Variants in DPYSL2 observed in about 807,000 individuals in gnomAD.
DPYSL2 encodes dihydropyrimidinase like 2, also known as dihydropyrimidinase-related protein 2.
DPYSL2 carries 13 observed loss-of-function variants against 69.9 expected under a neutral mutation model. That is an observed-to-expected ratio of 0.19 (90% CI 0.12 to 0.30). The LOEUF (loss-of-function observed/expected upper bound fraction) is 0.30, where lower values mean the gene tolerates loss of function less well. Ranked by LOEUF, DPYSL2 falls within the 10% of genes least tolerant of loss-of-function variation. The pLI, the probability that DPYSL2 is intolerant of heterozygous loss-of-function variation, is 1.00. For synonymous variants in DPYSL2, 326 were observed against 359.1 expected (o/e 0.91, Z 1.04); for missense variants, 587 against 918.9 (o/e 0.64, Z 4.67).
Position 26,562,567 on chromosome 8 carries a change from C to T in DPYSL2, c.355-19402C>T, listed in dbSNP as rs1346671512. 1.3e-5 allele frequency among the ~76,000 whole-genome samples: 2 copies of T among 152,150 alleles called. No homozygotes were observed. The highest frequency in any genetic ancestry group is 2.4e-5 in the African/African-American group (1 of 41,426). ...CCCGATTAGAATGCTTAAATGGTTT[C>T]GTTTTAAAGACAGAATAAAATCCGA... On this transcript the variant is annotated intron_variant, in intron 1 of 13. Transcript: ENST00000521913. This position sits in a 1 kb window ranked among gnomAD's most constrained non-coding sequence, Gnocchi z 4.9.
At chr8:26,606,339 G>C (rs1159636841) in intron 3 of DPYSL2, among the ~76,000 whole-genome samples, 1 of 152,056 alleles carries the variant, frequency 6.6e-6, no homozygotes, top group Non-Finnish European at 1.5e-5. Context: ...AGTCAGAAGA[G>C]ACCAGAAGAA....
chr8:26,603,406 T>G (rs756325396), intron 3 of DPYSL2, among the ~76,000 whole-genome samples: 12 of 152,268 alleles, frequency 7.9e-5, no homozygotes, highest in Middle Eastern at 3.4e-3. Flanking sequence ...CTCCTGACCT[T>G]GTGATCTGCC....
rs534949538 is a variant in DPYSL2, at chr8:26,624,867, C to G, written c.793+560C>G. The stretch of plus-strand genomic sequence containing the variant: ...AGATTCACAGAGAGGCAGGAGGAAT[C>G]TTTACCACCTCAAGGTGCCTCTGGG... On this transcript the variant is annotated intron_variant, in intron 4 of 13. Coordinates refer to ENST00000521913, the MANE Select transcript of DPYSL2 (RefSeq NM_001197293.3). The surrounding 1 kb of genome is among the most constrained non-coding windows in gnomAD (Gnocchi z 4.7). Among the ~76,000 whole-genome samples, 66 of 152,224 alleles carry G rather than the reference C, an allele frequency of 4.3e-4. No homozygotes were observed. Among genetic ancestry groups the G allele is most frequent in the African/African-American group, 1.3e-3 (54 of 41,526 alleles).
chr8:26,602,132 A>G (rs1802006070), intron 3 of DPYSL2, among the ~76,000 whole-genome samples: 1 of 147,012 alleles, frequency 6.8e-6, no homozygotes, highest in Non-Finnish European at 1.5e-5. Flanking sequence ...TTATAAAACA[A>G]AGGAAATTTT....
chr8:26,547,902 A>C, intron 1 of DPYSL2: 1 of 273,586 alleles, frequency 3.7e-6, no homozygotes, highest in Admixed American at 3.4e-5. Flanking sequence ...TGCCACTGAA[A>C]TCCCCATCCC....
intron 3 of DPYSL2, among the ~76,000 whole-genome samples, chr8:26,622,218 C>T (rs1320910212): frequency 6.8e-6 from 1 of 146,686 alleles, no homozygotes; most frequent in African/African-American, 2.5e-5. Flanking sequence ...GATGAGGGGA[C>T]ATACAACTTA....
At chr8:26,622,263 T>C (rs1802509633) in intron 3 of DPYSL2, among the ~76,000 whole-genome samples, 2 of 152,002 alleles carry the variant, frequency 1.3e-5, no homozygotes, top group East Asian at 3.9e-4. Context: ...TCAACTTTTC[T>C]ACATCAGCAT....
chr8:26,636,330 C>T (rs772397197), intron 8 of DPYSL2, among the ~76,000 whole-genome samples: 26 of 152,180 alleles, frequency 1.7e-4, no homozygotes, highest in Non-Finnish European at 2.8e-4. Flanking sequence ...TACAGAAGGC[C>T]GGCCACAGCA....
In DPYSL2 at chr8:26,562,236, C is replaced by T. The variant is rs1180614011; in HGVS notation, c.355-19733C>T. Among the ~76,000 whole-genome samples, 1 of 152,210 alleles carries T rather than the reference C, an allele frequency of 6.6e-6. No individual in the cohort carries two copies. Among genetic ancestry groups the T allele is most frequent in the Non-Finnish European group, 1.5e-5 (1 of 68,044 alleles). ...TGGGTCCTGGGGAAAGTTCCTTAAT[C>T]TCACTTTGTTTCCACTCTACCTCAC... is the stretch of plus-strand genomic sequence containing the variant. On this transcript the variant is annotated intron_variant, in intron 1 of 13. Coordinates refer to ENST00000521913, the MANE Select transcript of DPYSL2 (RefSeq NM_001197293.3). The surrounding 1 kb of genome is among the most constrained non-coding windows in gnomAD (Gnocchi z 4.9).
At chr8:26,525,916 T>C (rs1265004560) in intron 1 of DPYSL2, among the ~76,000 whole-genome samples, 2 of 152,226 alleles carry the variant, frequency 1.3e-5, no homozygotes, top group Non-Finnish European at 2.9e-5. Flanking sequence ...AAGACACATG[T>C]ATTTTTAAAA....
chr8:26,556,473 T>C (rs4872453), intron 1 of DPYSL2, among the ~76,000 whole-genome samples: 41,353 of 137,248 alleles, frequency 0.3, 6,871 homozygotes, highest in African/African-American at 0.42. Flanking sequence ...CTGGAACTAT[T>C]AAATGATTAT....
intron 1 of DPYSL2, among the ~76,000 whole-genome samples, chr8:26,568,397 G>A (rs895215984): frequency 1.3e-5 from 2 of 152,184 alleles, no homozygotes; most frequent in African/African-American, 4.8e-5. Flanking sequence ...AACATCTCCT[G>A]ATCCCCCTTG....
chr8:26,547,737 C>T (rs9314325), intron 1 of DPYSL2: 105,794 of 251,022 alleles, frequency 0.42, 23,711 homozygotes, highest in African/African-American at 0.62. Flanking sequence ...TGCATCTGAG[C>T]GGGAAGGCCT....
intron 1 of DPYSL2, among the ~76,000 whole-genome samples, chr8:26,524,573 G>A (rs896280664): frequency 2.6e-5 from 4 of 151,936 alleles, no homozygotes; most frequent in African/African-American, 4.8e-5. Flanking sequence ...CAAGGTGGGC[G>A]GATCACCTGA....
rs1803205382 is a variant in DPYSL2 at position 26,647,868 on chromosome 8, G to C, written c.1596+68G>C. On this transcript the variant is annotated intron_variant, in intron 11 of 13. Coordinates refer to ENST00000521913, the MANE Select transcript of DPYSL2 (RefSeq NM_001197293.3). This position sits in a 1 kb window ranked among gnomAD's most constrained non-coding sequence, Gnocchi z 5.1. ...AGTCACAGAGACACAGACGGAGGGAGAGCCCCAGGGTTTCTAAAAAGAACT... is the reference window on the plus strand; with the variant it reads ...AGTCACAGAGACACAGACGGAGGGACAGCCCCAGGGTTTCTAAAAAGAACT... 1.3e-6 allele frequency: 2 copies of C among 1,497,148 alleles called. No homozygotes were observed. Among genetic ancestry groups the C allele is most frequent in the African/African-American group, 2.9e-5 (2 of 70,156 alleles). The allele number at this position is 1,497,148 out of a possible 1,614,324, so 92.7% of individuals were successfully genotyped here. A position where few individuals can be genotyped will look rare whatever the true frequency, so the allele number is the denominator to read the frequency against.
At chr8:26,557,095 AT>A (rs1366452070) in intron 1 of DPYSL2, among the ~76,000 whole-genome samples, 1 of 151,950 alleles carries the variant, frequency 6.6e-6, no homozygotes, top group Non-Finnish European at 1.5e-5. Flanking sequence ...ATAGACCTAA[AT>A]GGAAAATGGA....
intron 1 of DPYSL2, among the ~76,000 whole-genome samples, chr8:26,569,377 CAA>C (rs1316731457): frequency 1.6e-5 from 2 of 126,568 alleles, no homozygotes; most frequent in African/African-American, 5.8e-5. Flanking sequence ...AAAACAAAAA[CAA>C]AAAAAAACCA....
In DPYSL2 at chr8:26,650,566, C is replaced by T. The variant is rs1803260445; in HGVS notation, c.1597-1691C>T. Among the ~76,000 whole-genome samples, 1 of 152,194 alleles carries T rather than the reference C, an allele frequency of 6.6e-6. No homozygotes were observed. Among genetic ancestry groups the T allele is most frequent in the African/African-American group, 2.4e-5 (1 of 41,442 alleles). ...CAATCTCCCCAGAGTCACACAACTT[C>T]TGGATTTTACCGTATCTGAGATGCC... On this transcript the variant is annotated intron_variant, in intron 11 of 13. Coordinates refer to ENST00000521913, the MANE Select transcript of DPYSL2 (RefSeq NM_001197293.3). The surrounding 1 kb of genome is among the most constrained non-coding windows in gnomAD (Gnocchi z 5.3).
chr8:26,569,817 A>G (rs1801210097), intron 1 of DPYSL2, among the ~76,000 whole-genome samples: 1 of 152,168 alleles, frequency 6.6e-6, no homozygotes, highest in East Asian at 1.9e-4. Context: ...AACAGCAGCC[A>G]CAAAGGGCCA....
Sources: gnomAD v4.1 joint callset for allele counts (sites outside exome capture counted in the v4.1 genomes callset) on GRCh38, gnomAD v4.1.1 for gene constraint, Gnocchi (gnomAD v3.1) non-coding constraint, MANE v1.5 for transcripts, NCBI Gene and HGNC (gene_info 2026-07-23, HGNC 2026-07-21) for gene names.